The following USP12 variants were observed in gnomAD, a reference collection of about 807,000 sequenced individuals.
USP12 encodes ubiquitin carboxyl-terminal hydrolase 12.
Under a neutral mutation model 45.5 loss-of-function variants are expected in USP12, and 19 were observed. That is an observed-to-expected ratio of 0.42 (90% CI 0.29 to 0.61). The LOEUF is 0.61. USP12 is among the 20% of genes least tolerant of loss of function. The pLI is 0.22. For synonymous variants in USP12, 149 were observed against 148.8 expected (o/e 1.00, Z -0.01); for missense variants, 242 against 447.7 (o/e 0.54, Z 4.15).
At chr13:27,152,639 T>C (rs1255123136) in intron 1 of USP12, among the ~76,000 whole-genome samples, 1 of 152,176 alleles carries the variant, frequency 6.6e-6, no homozygotes, top group Non-Finnish European at 1.5e-5. Flanking sequence ...TCAATAAAGC[T>C]GTTTTAAGAA....
At position 27,162,358 on chromosome 13, in the gene USP12, T is replaced by A. The variant is rs151078900; in HGVS notation, c.48+9234A>T. Among the ~76,000 whole-genome samples, 7 of 152,312 alleles carry A rather than the reference T, an allele frequency of 4.6e-5. No individual in the cohort carries two copies. The East Asian group carries it at 1.3e-3, about 29-fold the overall frequency. On this transcript the variant is annotated intron_variant, in intron 1 of 8. Transcript: ENST00000282344. Reference sequence around the variant, plus strand: ...CAATCTCTTGTTTGAAAAGGAGTAATTTTGTCTCAACCATCAAACCTGCAA... The same window carrying A: ...CAATCTCTTGTTTGAAAAGGAGTAAATTTGTCTCAACCATCAAACCTGCAA...
chr13:27,119,827 A>G (rs1211282567), intron 1 of USP12, among the ~76,000 whole-genome samples: 2 of 152,194 alleles, frequency 1.3e-5, no homozygotes, highest in East Asian at 1.9e-4. Flanking sequence ...ACCTTATTAC[A>G]GTTCTAAAGT....
chr13:27,088,416 CA>C (rs11323861), intron 6 of USP12, among the ~76,000 whole-genome samples: 13,231 of 93,058 alleles, frequency 0.14, 350 homozygotes, highest in Middle Eastern at 0.23. Context: ...GACTCCGTCT[CA>C]AAAAAAAAAA....
intron 6 of USP12, among the ~76,000 whole-genome samples, chr13:27,087,494 T>C (rs61032561): frequency 0.013 from 2,017 of 152,260 alleles, 54 homozygotes; most frequent in African/African-American, 0.045. Context: ...AAGAGATCAA[T>C]AGACGTAGAA....
chr13:27,144,322 C>A (rs1327685684), intron 1 of USP12, among the ~76,000 whole-genome samples: 2 of 152,032 alleles, frequency 1.3e-5, no homozygotes, highest in African/African-American at 2.4e-5. Flanking sequence ...AGTGAGACCC[C>A]TACCTCTACA....
chr13:27,097,992 T>C (rs1163651803), intron 3 of USP12, among the ~76,000 whole-genome samples: 1 of 151,710 alleles, frequency 6.6e-6, no homozygotes. Context: ...TACTTTTTTT[T>C]TTTTTTTTTT....
chr13:27,125,954 A>G (rs971741854), intron 1 of USP12, among the ~76,000 whole-genome samples: 1 of 152,260 alleles, frequency 6.6e-6, no homozygotes, highest in Non-Finnish European at 1.5e-5. Context: ...TGCTTACAGC[A>G]TAAAGCAGCA....
intron 4 of USP12, among the ~76,000 whole-genome samples, chr13:27,091,431 C>G (rs1192622667): frequency 6.6e-6 from 1 of 152,188 alleles, no homozygotes; most frequent in East Asian, 1.9e-4. Context: ...CAAGGATGCT[C>G]TAGATCACCT....
chr13:27,088,214 A>G (rs1044871880), intron 6 of USP12, among the ~76,000 whole-genome samples: 5 of 152,126 alleles, frequency 3.3e-5, no homozygotes, highest in Admixed American at 3.3e-4. Context: ...ATGTCAGGAG[A>G]TCAAGACCAT....
intron 1 of USP12, among the ~76,000 whole-genome samples, chr13:27,117,046 C>T (rs1234160981): frequency 1.3e-5 from 2 of 151,846 alleles, no homozygotes; most frequent in African/African-American, 4.8e-5. Context: ...TACAGAGACA[C>T]CCTGTAAAAA....
chr13:27,144,097 G>A (rs9581814), intron 1 of USP12, among the ~76,000 whole-genome samples: 42,233 of 151,858 alleles, frequency 0.28, 6,409 homozygotes, highest in Non-Finnish European at 0.35. Context: ...CCAGCCTCTC[G>A]GGAGGCTGAG....
At chr13:27,140,467 C>T (rs1018920144) in intron 1 of USP12, among the ~76,000 whole-genome samples, 3 of 152,120 alleles carry the variant, frequency 2.0e-5, no homozygotes, top group Non-Finnish European at 2.9e-5. Context: ...TTTTTTCATG[C>T]TTCTATGCCT....
intron 1 of USP12, among the ~76,000 whole-genome samples, chr13:27,125,449 T>C (rs1359712086): frequency 6.6e-6 from 1 of 152,158 alleles, no homozygotes; most frequent in Non-Finnish European, 1.5e-5. Flanking sequence ...GCTGGAGAAC[T>C]TGGAAAGGCT....
At chr13:27,084,107 A>G (rs1048395030) in intron 6 of USP12, among the ~76,000 whole-genome samples, 4 of 150,986 alleles carry the variant, frequency 2.6e-5, no homozygotes, top group African/African-American at 4.9e-5. Context: ...ACATTTTGTT[A>G]TCTTTTTAAC....
At chr13:27,170,436 A>G (rs536853072) in intron 1 of USP12, 27 of 397,784 alleles carry the variant, frequency 6.8e-5, no homozygotes, top group Admixed American at 2.2e-4. Flanking sequence ...ATGAAACACA[A>G]GATTTCAGAA....
chr13:27,145,309 A>G (rs1208608810), intron 1 of USP12, among the ~76,000 whole-genome samples: 3 of 152,174 alleles, frequency 2.0e-5, no homozygotes, highest in Non-Finnish European at 4.4e-5. Context: ...TTTCTCCATA[A>G]TGTTGAACTA....
At chr13:27,116,480 G>T in intron 2 of USP12, 36 bp downstream of exon 2, 1 of 1,589,910 alleles carries the variant, frequency 6.3e-7, no homozygotes, top group Non-Finnish European at 8.6e-7. Context: ...AACTGCTTCC[G>T]AACATGATTC....
chr13:27,107,553 T>C (rs1414226033), intron 2 of USP12, among the ~76,000 whole-genome samples: 2 of 152,220 alleles, frequency 1.3e-5, no homozygotes, highest in South Asian at 4.1e-4. Context: ...TGTATGTCTG[T>C]GTGCATGCAT....
At chr13:27,167,714 A>T (rs1878410947) in intron 1 of USP12, among the ~76,000 whole-genome samples, 1 of 151,938 alleles carries the variant, frequency 6.6e-6, no homozygotes, top group Non-Finnish European at 1.5e-5. Context: ...AAAGAACTAC[A>T]TCCACCCTAT....
Sources: allele counts gnomAD v4.1 joint callset (sites outside exome capture counted in the v4.1 genomes callset), GRCh38; gene constraint gnomAD v4.1.1; transcripts MANE v1.5; gene names NCBI Gene and HGNC (gene_info 2026-07-23, HGNC 2026-07-21).